WNK1: variants seen among roughly 807,000 people sequenced by gnomAD.
WNK1 encodes the protein WNK lysine deficient protein kinase 1.
A neutral mutation model predicts 222.8 loss-of-function variants in WNK1; 38 were observed. The observed-to-expected ratio is 0.17, with a 90% CI of 0.13 to 0.22. The LOEUF (loss-of-function observed/expected upper bound fraction) is 0.22. Ranked by LOEUF, WNK1 falls within the 10% of genes least tolerant of loss-of-function variation. WNK1 has a pLI of 1.00. For synonymous variants in WNK1, 1,090 were observed against 1,092.9 expected (o/e 1.00, Z 0.05); for missense variants, 2,348 against 2,918.4 (o/e 0.80, Z 4.50).
At chr12:882,337 T>A (rs1050734981) in intron 14 of WNK1, among the ~76,000 whole-genome samples, 2 of 152,180 alleles carry the variant, frequency 1.3e-5, no homozygotes, top group Non-Finnish European at 2.9e-5. Context: ...TAGCTGGGAC[T>A]ACAGACACGT....
chr12:764,650 A>G lies in WNK1; in HGVS notation c.759+10326A>G, dbSNP rs868210215. Among the ~76,000 whole-genome samples, 12 of 144,526 alleles carry G rather than the reference A, an allele frequency of 8.3e-5. 1 individual carries two copies. The South Asian group carries it at 2.3e-3, about 28-fold the overall frequency. 94.8% of individuals were successfully genotyped at this position (144,526 alleles called of 152,430 possible). On this transcript the variant is annotated intron_variant, in intron 1 of 27. Coordinates refer to ENST00000315939, the MANE Select transcript of WNK1 (RefSeq NM_018979.4). ...ACTCCGTCTCAAAAAAAAAAAAAAA[A>G]AAAAGAAAGAAAAATCATTAACATT...
chr12:754,480 G>A (rs895152057), intron 1 of WNK1, among the ~76,000 whole-genome samples, 156 bp downstream of exon 1: 5 of 152,248 alleles, frequency 3.3e-5, no homozygotes, highest in Non-Finnish European at 7.3e-5. Flanking sequence ...TTAGGAGAAT[G>A]TGGAGCATGT....
chr12:837,311 C>T (rs928513981), intron 4 of WNK1, among the ~76,000 whole-genome samples: 5 of 152,154 alleles, frequency 3.3e-5, no homozygotes, highest in African/African-American at 1.2e-4. Context: ...CAGTGGCTCA[C>T]GCCTGTAATT....
intron 4 of WNK1, among the ~76,000 whole-genome samples, chr12:831,771 C>T (rs952345375): frequency 2.6e-5 from 4 of 151,906 alleles, no homozygotes; most frequent in Non-Finnish European, 5.9e-5. Flanking sequence ...ATGTAACACA[C>T]ATAGACAAAA....
chr12:757,428 C>T (rs1484771444), intron 1 of WNK1, among the ~76,000 whole-genome samples: 7 of 145,626 alleles, frequency 4.8e-5, no homozygotes, highest in African/African-American at 1.0e-4. Context: ...TGGGTTCAAG[C>T]GATTCTCCTG....
In WNK1 at chr12:753,320, G is replaced by T. The variant is rs1307616823; in HGVS notation, c.-246G>T. 9 of 564,054 alleles carry T rather than the reference G, an allele frequency of 1.6e-5. No individual in the cohort carries two copies. Among genetic ancestry groups the T allele is most frequent in the Non-Finnish European group, 2.8e-5 (9 of 320,976 alleles). The allele number at this position is 564,054 out of a possible 1,614,324, so 34.9% of individuals were successfully genotyped here. On this transcript the variant is annotated 5_prime_UTR_variant, in exon 1 of 28. Coordinates refer to ENST00000315939, the MANE Select transcript of WNK1 (RefSeq NM_018979.4). The surrounding 1 kb of genome is among the most constrained non-coding windows in gnomAD (Gnocchi z 5.2). The stretch of plus-strand genomic sequence containing the variant: ...CGCTAACCCCCGTGGCTCAGCTCCC[G>T]AATCGCCCGCCTTCGAGCCCTCCTC...
At position 753,561 on chromosome 12, in the gene WNK1, C is replaced by A; in HGVS notation, c.-5C>A. The A allele has an allele frequency of 6.2e-7, 1 of 1,612,356 alleles. No individual in the cohort carries two copies. The highest frequency in any genetic ancestry group is 8.5e-7 in the Non-Finnish European group (1 of 1,179,920). ...GCCCGCTCGCCTCTCTCCAGCGAAC[C>A]GACCATGTCTGGCGGCGCCGCAGAG... On this transcript the variant is annotated 5_prime_UTR_variant, in exon 1 of 28. Transcript: ENST00000315939. This position sits in a 1 kb window ranked among gnomAD's most constrained non-coding sequence, Gnocchi z 5.2.
At chr12:789,702 G>A (rs576344913) in intron 1 of WNK1, among the ~76,000 whole-genome samples, 1 of 152,006 alleles carries the variant, frequency 6.6e-6, no homozygotes, top group Non-Finnish European at 1.5e-5. Flanking sequence ...GTTTTTTAAA[G>A]AACTTCTGAA....
In WNK1 at chr12:896,651, A is replaced by C; in HGVS notation, c.6164A>C (p.Asn2055Thr). ...NLSQSLSNSF[N>T]SSYMSSDNES... Reference sequence around the variant, plus strand: ...AGTCAAAGCCTTAGTAATTCATTTAACTCCTCTTACATGAGTAGCGACAAT... The same window carrying C: ...AGTCAAAGCCTTAGTAATTCATTTACCTCCTCTTACATGAGTAGCGACAAT... Residue 2055 changes from asparagine to threonine, a missense_variant, in exon 24 of 28, where the codon AAC becomes ACC. This residue lies in a region of WNK1 where 1,144 missense variants were observed against 1,273.6 expected (regional missense o/e 0.90). Coordinates refer to ENST00000315939, the MANE Select transcript of WNK1 (RefSeq NM_018979.4). 1 of 1,608,134 alleles carries C rather than the reference A, an allele frequency of 6.2e-7. No individual in the cohort carries two copies. Among genetic ancestry groups the C allele is most frequent in the Non-Finnish European group, 8.5e-7 (1 of 1,178,382 alleles).
chr12:896,077 G>A lies in WNK1; in HGVS notation c.5590G>A (p.Val1864Ile), dbSNP rs765566878. ...CTTTGTCCTTTTTTATCAGGTTTCT[G>A]TTGCAGCAGACGGTGCCCAGAAAGA... Reference protein sequence around the residue: ...VFKMGRFQVSVAADGAQKEGK... With the variant: ...VFKMGRFQVSIAADGAQKEGK... The change falls in exon 24 of 28, where the codon GTT (valine) becomes ATT (isoleucine). Residue 1864 changes from valine (V) to isoleucine (I), a missense_variant. Physicochemically the swap from Val to Ile is conservative, Grantham distance 29 (BLOSUM62 3). Around this residue, in one of 13 missense-constraint regions of WNK1, gnomAD observed 1,144 missense variants for 1,273.6 expected, o/e 0.90. Transcript: ENST00000315939. 2 of 1,614,178 alleles carry A rather than the reference G, an allele frequency of 1.2e-6. No individual in the cohort carries two copies. The highest frequency in any genetic ancestry group is 1.7e-6 in the Non-Finnish European group (2 of 1,180,040).
At chr12:845,283 CTA>C (rs1949950081) in intron 4 of WNK1, among the ~76,000 whole-genome samples, 1 of 152,152 alleles carries the variant, frequency 6.6e-6, no homozygotes, top group South Asian at 2.1e-4. Context: ...GTCTGCTTAA[CTA>C]TTGCATACTT....
Position 884,846 on chromosome 12 carries a change from A to G in WNK1, c.4042A>G (p.Thr1348Ala). Residue 1348 changes from threonine to alanine, a missense_variant, in exon 19 of 28, where the codon ACC (threonine) becomes GCC (alanine). By Grantham distance (58) the Thr-to-Ala change is moderately conservative. Around this residue, in one of 13 missense-constraint regions of WNK1, gnomAD observed 1,144 missense variants for 1,273.6 expected, o/e 0.90. Coordinates refer to ENST00000315939, the MANE Select transcript of WNK1 (RefSeq NM_018979.4). This position sits in a 1 kb window ranked among gnomAD's most constrained non-coding sequence, Gnocchi z 5.6. ...CTTAAGTAGCATTGCTGGAGTCCCAACCACAGCAGCAGCCACAGCACCAGT... is the reference window on the plus strand; with the variant it reads ...CTTAAGTAGCATTGCTGGAGTCCCAGCCACAGCAGCAGCCACAGCACCAGT... The part of the protein sequence containing the change: ...PFLSSIAGVP[T>A]TAAATAPVPA... The G allele has an allele frequency of 2.5e-6, 4 of 1,614,130 alleles. No homozygotes were observed. Among genetic ancestry groups the G allele is most frequent in the African/African-American group, 1.3e-5 (1 of 75,016 alleles).
chr12:780,030 A>G (rs971689591), intron 1 of WNK1, among the ~76,000 whole-genome samples: 1 of 152,152 alleles, frequency 6.6e-6, no homozygotes, highest in African/African-American at 2.4e-5. Flanking sequence ...TGTTTTCTTT[A>G]TGGAAATAAT....
chr12:846,595 C>T (rs1233445950), intron 4 of WNK1, among the ~76,000 whole-genome samples: 3 of 152,142 alleles, frequency 2.0e-5, no homozygotes, highest in African/African-American at 7.2e-5. Context: ...TGGTTCATAA[C>T]TGTAAGAATC....
At chr12:765,507 A>G (rs1488860466) in intron 1 of WNK1, among the ~76,000 whole-genome samples, 1 of 136,742 alleles carries the variant, frequency 7.3e-6, no homozygotes, top group East Asian at 2.1e-4. Flanking sequence ...TGATCATGCC[A>G]CTTGCACTTC....
At chr12:875,458 T>C (rs553954256) in intron 9 of WNK1, among the ~76,000 whole-genome samples, 5 of 152,344 alleles carry the variant, frequency 3.3e-5, no homozygotes, top group South Asian at 4.1e-4. Context: ...GAAATGTTCA[T>C]TGAGAACATC....
intron 10 of WNK1, 128 bp downstream of exon 10, chr12:878,489 C>A: frequency 9.7e-7 from 1 of 1,028,162 alleles, no homozygotes; most frequent in Non-Finnish European, 1.4e-6. Context: ...GTAACCAACC[C>A]TTGAAGTAGG....
chr12:864,627 T>C (rs1434895377), intron 8 of WNK1, among the ~76,000 whole-genome samples: 1 of 152,168 alleles, frequency 6.6e-6, no homozygotes, highest in Non-Finnish European at 1.5e-5. Context: ...AAAATAGAAA[T>C]GAGAATCTTT....
At chr12:830,754 C>T (rs1465050258) in intron 4 of WNK1, among the ~76,000 whole-genome samples, 1 of 152,172 alleles carries the variant, frequency 6.6e-6, no homozygotes, top group Non-Finnish European at 1.5e-5. Flanking sequence ...CATTATGCTA[C>T]TCTAAAATAC....
Sources: gnomAD v4.1 joint callset for allele counts (sites outside exome capture counted in the v4.1 genomes callset) on GRCh38, gnomAD v4.1.1 for gene constraint, gnomAD v4.1.1 regional missense constraint, Gnocchi (gnomAD v3.1) non-coding constraint, MANE v1.5 for transcripts, NCBI Gene and HGNC (gene_info 2026-07-23, HGNC 2026-07-21) for gene names.